PIWIL1: variants seen among roughly 807,000 people sequenced by gnomAD.
PIWIL1 encodes piwi like RNA-mediated gene silencing 1, also known as piwi-like protein 1.
PIWIL1 carries 73 observed loss-of-function variants against 114.4 expected under a neutral mutation model. That is an observed-to-expected ratio of 0.64 (90% CI 0.53 to 0.78). The LOEUF is 0.78. Ranked by LOEUF, PIWIL1 falls within the 30% of genes least tolerant of loss-of-function variation. PIWIL1 has a pLI of 0.00. For missense variants in PIWIL1, 723 were observed against 1,063.1 expected (o/e 0.68, Z 4.45); for synonymous variants, 375 against 369.0 (o/e 1.02, Z -0.19).
the PIWIL1 span, among the ~76,000 whole-genome samples, chr12:130,408,440 C>T: frequency 2.0e-5 from 3 of 152,204 alleles, no homozygotes; most frequent in Non-Finnish European, 4.4e-5. Context: ...GAGAAGATCC[C>T]AGCTCTGCAC....
downstream of PIWIL1, among the ~76,000 whole-genome samples, chr12:130,375,213 G>GT (rs1365691508): frequency 3.9e-5 from 6 of 152,128 alleles, no homozygotes; most frequent in African/African-American, 1.4e-4. Flanking sequence ...AAACACACCG[G>GT]TGAAGTCCAG....
chr12:130,347,987 G>T (rs1211989731), intron 6 of PIWIL1, 116 bp from the exon 7 acceptor site: 2 of 602,684 alleles, frequency 3.3e-6, no homozygotes, highest in African/African-American at 3.8e-5. Flanking sequence ...AGGTAGGTTG[G>T]ATTTGGCCTG....
At chr12:130,392,799 G>GGA in the PIWIL1 span, among the ~76,000 whole-genome samples, 2 of 120,364 alleles carry the variant, frequency 1.7e-5, no homozygotes, top group African/African-American at 6.4e-5. Context: ...CATCACGTGT[G>GGA]TCCGTCAGTT....
chr12:130,397,747 T>G, the PIWIL1 span: 3 of 375,274 alleles, frequency 8.0e-6, no homozygotes, highest in Non-Finnish European at 1.4e-5. Context: ...CATAAATGTG[T>G]GGGTTCCGTT....
At chr12:130,370,225 T>C (rs1365586680) in intron 19 of PIWIL1, among the ~76,000 whole-genome samples, 1 of 140,774 alleles carries the variant, frequency 7.1e-6, no homozygotes, top group Non-Finnish European at 1.5e-5. Flanking sequence ...GATTGATATT[T>C]TATTGGTACC....
At chr12:130,377,057 A>G (rs1190738104), downstream of PIWIL1, among the ~76,000 whole-genome samples, 5 of 152,170 alleles carry the variant, frequency 3.3e-5, no homozygotes, top group Non-Finnish European at 7.4e-5. Context: ...CGTGCAGCCT[A>G]GACACCTACC....
the PIWIL1 span, chr12:130,424,494 T>C: frequency 8.1e-7 from 1 of 1,232,048 alleles, no homozygotes. This position sits in a 1 kb window ranked among gnomAD's most constrained non-coding sequence, Gnocchi z 9.8. Context: ...CTCGTCCTCT[T>C]CACTCCCACA....
At chr12:130,343,878 T>C (rs7131796) in intron 3 of PIWIL1, among the ~76,000 whole-genome samples, 74,254 of 151,536 alleles carry the variant, frequency 0.49, 19,196 homozygotes, top group Middle Eastern at 0.6. Flanking sequence ...CCTCCCGGCT[T>C]AGCCTCCCAA....
Position 130,371,209 on chromosome 12 carries a change from A to T in PIWIL1, c.2355A>T (p.Arg785Ser), listed in dbSNP as rs2073808523. The T allele has an allele frequency of 1.2e-6, 2 of 1,614,108 alleles. No individual in the cohort carries two copies. The highest frequency in any genetic ancestry group is 2.7e-5 in the African/African-American group (2 of 74,940). ...YDFFIVSQAV[R>S]SGSVSPTHYN... ...TTTTTATCGTGAGCCAGGCTGTGAG[A>T]AGTGGTAGTGTTTCTCCCACACATT... The change falls in exon 20 of 21, where the codon AGA becomes AGT. Residue 785 changes from arginine to serine, a missense_variant. By Grantham distance (110) the Arg-to-Ser change is moderately radical. Coordinates refer to ENST00000245255, the MANE Select transcript of PIWIL1 (RefSeq NM_004764.5).
chr12:130,339,197 A>G (rs1308862038), intron 1 of PIWIL1, among the ~76,000 whole-genome samples: 1 of 151,846 alleles, frequency 6.6e-6, no homozygotes, highest in Non-Finnish European at 1.5e-5. Context: ...GGGCTCTGCG[A>G]GGCCCGGGGG....
chr12:130,346,603 G>A lies in PIWIL1; in HGVS notation c.531+19G>A, dbSNP rs377163783. On this transcript the variant is annotated intron_variant, in intron 5 of 20. Transcript: ENST00000245255. ...GCAAAAGGTTATTTGGGAAAAGGGAGATGGGGGATTTCCACTTCAAAGCAG... is the reference window on the plus strand; with the variant it reads ...GCAAAAGGTTATTTGGGAAAAGGGAAATGGGGGATTTCCACTTCAAAGCAG... The A allele has an allele frequency of 1.8e-5, 29 of 1,578,894 alleles. No individual in the cohort carries two copies. The highest frequency in any genetic ancestry group is 2.7e-5 in the African/African-American group (2 of 74,142).
intron 1 of PIWIL1, chr12:130,342,224 C>A: frequency 3.7e-6 from 1 of 273,782 alleles, no homozygotes; most frequent in Non-Finnish European, 7.0e-6. Flanking sequence ...AGTGTGTGTA[C>A]ATGTGTATCT....
downstream of PIWIL1, among the ~76,000 whole-genome samples, chr12:130,377,170 C>T (rs767642653): frequency 4.2e-4 from 64 of 152,224 alleles, no homozygotes; most frequent in Non-Finnish European, 7.8e-4. Flanking sequence ...CCCATGAGGG[C>T]CAGGATTCTT....
At chr12:130,395,571 TTG>T in the PIWIL1 span, among the ~76,000 whole-genome samples, 51 of 152,218 alleles carry the variant, frequency 3.4e-4, no homozygotes, top group African/African-American at 1.2e-3. Flanking sequence ...TGGATACTTT[TTG>T]TTAGCAACTC....
chr12:130,338,348 T>C, intron 1 of PIWIL1: 2 of 128,104 alleles, frequency 1.6e-5, no homozygotes, highest in Non-Finnish European at 2.8e-5. Flanking sequence ...GGGGGCGAGG[T>C]CCCAGGTGTG....
chr12:130,398,559 C>G, the PIWIL1 span: 2 of 152,670 alleles, frequency 1.3e-5, no homozygotes, highest in African/African-American at 4.8e-5. Context: ...GCAGCAACTT[C>G]TGTCACAGGA....
At chr12:130,339,248 A>C (rs2072827688) in intron 1 of PIWIL1, among the ~76,000 whole-genome samples, 1 of 151,736 alleles carries the variant, frequency 6.6e-6, no homozygotes, top group South Asian at 2.1e-4. Flanking sequence ...GCACCTGTGG[A>C]GGGAAAGGGG....
the PIWIL1 span, chr12:130,424,093 A>G: frequency 2.3e-5 from 23 of 983,366 alleles, no homozygotes; most frequent in East Asian, 7.2e-4. The surrounding 1 kb of genome is among the most constrained non-coding windows in gnomAD (Gnocchi z 9.8). Flanking sequence ...AAAGGATGGG[A>G]CAGATTGGTT....
the PIWIL1 span, chr12:130,383,292 T>TA: frequency 6.6e-6 from 1 of 152,138 alleles, no homozygotes; most frequent in Admixed American, 6.5e-5. Flanking sequence ...TGGCTTAGAA[T>TA]ACAAATTGAG....
Sources: gnomAD v4.1 joint callset for allele counts (sites outside exome capture counted in the v4.1 genomes callset) on GRCh38, gnomAD v4.1.1 for gene constraint, Gnocchi (gnomAD v3.1) non-coding constraint, MANE v1.5 for transcripts, NCBI Gene and HGNC (gene_info 2026-07-23, HGNC 2026-07-21) for gene names.